KHDRBS2: variants seen among roughly 807,000 people sequenced by gnomAD.
KHDRBS2 encodes the protein KH domain-containing, RNA-binding, signal transduction-associated protein 2.
In KHDRBS2, 26 loss-of-function variants were observed where a neutral mutation model predicts 44.3. That is an observed-to-expected ratio of 0.59 (90% CI 0.43 to 0.81). KHDRBS2 has a LOEUF of 0.81. Ranked by LOEUF, KHDRBS2 falls within the 40% of genes least tolerant of loss-of-function variation. The probability of loss-of-function intolerance (pLI) is 0.00; values close to 1 mark genes in which losing one functional copy is unlikely to be tolerated. For synonymous variants in KHDRBS2, 194 were observed against 151.1 expected, an observed-to-expected ratio of 1.28 and a Z score of -2.08; for missense variants, 476 against 433.1, an observed-to-expected ratio of 1.10 and a Z score of -0.88.
At chr6:61,752,671 C>CAAAAAAAAAAAAAAAAA (rs56410130) in intron 6 of KHDRBS2, among the ~76,000 whole-genome samples, 1 of 111,336 alleles carries the variant, frequency 9.0e-6, no homozygotes. Context: ...TTGTGGTATA[C>CAAAAAAAAAAAAAAAAA]AAAAAAAAAA....
At chr6:62,126,014 AGCAGGG>A (rs1808873422) in intron 2 of KHDRBS2, among the ~76,000 whole-genome samples, 1 of 151,802 alleles carries the variant, frequency 6.6e-6, no homozygotes, top group African/African-American at 2.4e-5. Context: ...GCTCAGCCAT[AGCAGGG>A]TAGAGCATTA....
intron 2 of KHDRBS2, among the ~76,000 whole-genome samples, chr6:62,143,900 T>A (rs935658492): frequency 2.0e-5 from 3 of 151,824 alleles, no homozygotes; most frequent in African/African-American, 7.2e-5. Context: ...CTTTTGAAAT[T>A]TATGCTTTTT....
Position 61,751,943 on chromosome 6 carries a change from C to CTGTG in KHDRBS2, c.811-19183_811-19180dup, listed in dbSNP as rs70993181. On this transcript the variant is annotated intron_variant, in intron 6 of 8. Transcript: ENST00000281156. ...CTCTTTCCTCTGTGTACACACTTCT[C>CTGTG]TGTGTGTGTGTGTGTGTCATAATCT... 2.1e-3 allele frequency among the ~76,000 whole-genome samples: 310 copies of CTGTG among 151,010 alleles called. 2 individuals carry two copies. Among genetic ancestry groups the CTGTG allele is most frequent in the East Asian group, 0.02 (104 of 5,084 alleles).
intron 2 of KHDRBS2, among the ~76,000 whole-genome samples, chr6:62,147,471 T>C (rs189248303): frequency 2.0e-4 from 31 of 152,000 alleles, no homozygotes; most frequent in African/African-American, 6.3e-4. Context: ...AGTTTCCCTT[T>C]GTTCAGTTTC....
At chr6:61,616,779 T>C in the KHDRBS2 span, among the ~76,000 whole-genome samples, 13 of 152,066 alleles carry the variant, frequency 8.5e-5, no homozygotes, top group African/African-American at 3.1e-4. Context: ...AGCTGGTTAA[T>C]ACAAAGCATG....
intron 2 of KHDRBS2, among the ~76,000 whole-genome samples, chr6:62,083,141 C>G (rs1335007419): frequency 6.6e-6 from 1 of 151,768 alleles, no homozygotes; most frequent in Non-Finnish European, 1.5e-5. Context: ...GCCCCCGATT[C>G]TGTAGCCATA....
chr6:62,018,439 C>T (rs930967548), intron 3 of KHDRBS2, among the ~76,000 whole-genome samples: 1 of 151,952 alleles, frequency 6.6e-6, no homozygotes, highest in South Asian at 2.1e-4. Flanking sequence ...GCTCCGCCTC[C>T]CAGTTTCACG....
intron 2 of KHDRBS2, among the ~76,000 whole-genome samples, chr6:62,092,186 G>T (rs1287492955): frequency 6.6e-6 from 1 of 151,234 alleles, no homozygotes; most frequent in Non-Finnish European, 1.5e-5. Flanking sequence ...TGAGACTCTT[G>T]TTCATTCCCC....
At chr6:61,555,827 T>C in the KHDRBS2 span, among the ~76,000 whole-genome samples, 3 of 152,216 alleles carry the variant, frequency 2.0e-5, no homozygotes, top group Admixed American at 6.5e-5. Context: ...ATGCTTTAAC[T>C]TGGGGGCCTG....
At chr6:61,882,040 G>T (rs749138198) in intron 6 of KHDRBS2, among the ~76,000 whole-genome samples, 2 of 152,000 alleles carry the variant, frequency 1.3e-5, no homozygotes, top group East Asian at 1.9e-4. Flanking sequence ...CAGTACTACT[G>T]CACAAGAGGA....
At chr6:62,024,304 T>A (rs1263000758) in intron 3 of KHDRBS2, among the ~76,000 whole-genome samples, 2 of 151,514 alleles carry the variant, frequency 1.3e-5, no homozygotes, top group African/African-American at 2.4e-5. Context: ...GAATATGATT[T>A]AATCATTTAT....
chr6:61,655,941 T>C, the KHDRBS2 span, among the ~76,000 whole-genome samples: 1 of 152,038 alleles, frequency 6.6e-6, no homozygotes, highest in Non-Finnish European at 1.5e-5. Flanking sequence ...AAGTATTCAG[T>C]AGGAAGTTTG....
intron 1 of KHDRBS2, among the ~76,000 whole-genome samples, chr6:62,259,132 T>C (rs925357813): frequency 1.3e-5 from 2 of 151,936 alleles, no homozygotes; most frequent in African/African-American, 2.4e-5. Context: ...ATAGCAAGAG[T>C]TTGTTTTTAA....
chr6:61,607,128 T>C, the KHDRBS2 span, among the ~76,000 whole-genome samples: 11 of 151,870 alleles, frequency 7.2e-5, no homozygotes, highest in African/African-American at 2.7e-4. Flanking sequence ...CAACAGACTA[T>C]TATAATCATA....
intron 4 of KHDRBS2, among the ~76,000 whole-genome samples, chr6:61,918,889 ATAAAT>A (rs1807511326): frequency 6.6e-6 from 1 of 151,964 alleles, no homozygotes; most frequent in African/African-American, 2.4e-5. Context: ...AATTACATAG[ATAAAT>A]TAGATAGGCT....
intron 1 of KHDRBS2, among the ~76,000 whole-genome samples, chr6:62,202,165 TAGC>T (rs1827128952): frequency 6.6e-6 from 1 of 152,088 alleles, no homozygotes; most frequent in African/African-American, 2.4e-5. Flanking sequence ...TAATTGAAAA[TAGC>T]AGTTTAAAAC....
intron 2 of KHDRBS2, among the ~76,000 whole-genome samples, chr6:62,129,006 T>G (rs2150088341): frequency 6.6e-6 from 1 of 152,226 alleles, no homozygotes; most frequent in Non-Finnish European, 1.5e-5. Context: ...TGACTATCAC[T>G]GAATGATAAA....
At chr6:62,145,463 T>G (rs552069429) in intron 2 of KHDRBS2, among the ~76,000 whole-genome samples, 2 of 151,980 alleles carry the variant, frequency 1.3e-5, no homozygotes, top group South Asian at 2.1e-4. Flanking sequence ...TGAGAAAAAT[T>G]TTGCCAGTAT....
intron 1 of KHDRBS2, among the ~76,000 whole-genome samples, chr6:62,235,084 T>TC (rs1351304971): frequency 2.0e-5 from 3 of 150,910 alleles, no homozygotes; most frequent in Admixed American, 6.6e-5. Flanking sequence ...TTTTTTTTTT[T>TC]TTTTTTGAGC....
Sources: gnomAD v4.1 joint callset for allele counts (sites outside exome capture counted in the v4.1 genomes callset) on GRCh38, gnomAD v4.1.1 for gene constraint, MANE v1.5 for transcripts, NCBI Gene and HGNC (gene_info 2026-07-23, HGNC 2026-07-21) for gene names.